Variants in NUDT4 observed in about 807,000 individuals in gnomAD.
NUDT4 encodes the protein diphosphoinositol polyphosphate phosphohydrolase 2.
In NUDT4, 5 loss-of-function variants were observed where a neutral mutation model predicts 23.1. The observed-to-expected ratio is 0.22, with a 90% CI of 0.11 to 0.46. NUDT4 has a LOEUF of 0.46. Ranked by LOEUF, NUDT4 falls within the 20% of genes least tolerant of loss-of-function variation. The pLI is 0.99. For synonymous variants in NUDT4, 50 were observed against 79.0 expected, an observed-to-expected ratio of 0.63 and a Z score of 1.95; for missense variants, 96 against 211.6, an observed-to-expected ratio of 0.45 and a Z score of 3.39.
intron 1 of NUDT4, chr12:93,380,929 A>G (rs1040373492): frequency 2.0e-4 from 30 of 152,184 alleles, no homozygotes; most frequent in African/African-American, 6.5e-4. Context: ...TGAGGATGAA[A>G]TGTTTATATA....
At chr12:93,390,159 C>T (rs906104212) in intron 1 of NUDT4, among the ~76,000 whole-genome samples, 9 of 152,170 alleles carry the variant, frequency 5.9e-5, no homozygotes, top group African/African-American at 2.2e-4. Context: ...TAGCCACCTG[C>T]GTTATGTCCC....
intron 3 of NUDT4, 137 bp downstream of exon 3, chr12:93,395,670 G>A (rs763135632): frequency 1.7e-6 from 1 of 593,978 alleles, no homozygotes; most frequent in Non-Finnish European, 3.0e-6. Flanking sequence ...GGATTAGGTA[G>A]GGAGGGAAGT....
rs1003486636 is a variant in NUDT4 at position 93,398,356 on chromosome 12, A to G, written c.256-415A>G. Among the ~76,000 whole-genome samples, 37 of 149,436 alleles carry G rather than the reference A, an allele frequency of 2.5e-4. 1 individual carries two copies. The highest frequency in any genetic ancestry group is 5.0e-4 in the African/African-American group (20 of 39,638). On this transcript the variant is annotated intron_variant, in intron 3 of 4. Transcript: ENST00000415493. The stretch of plus-strand genomic sequence containing the variant: ...CCTGTCTCAAAAAAAAAAAAAAAAA[A>G]AAAGAAAAGAACATCAGATATATAG...
At chr12:93,378,472 C>A in intron 1 of NUDT4, 51 bp downstream of exon 1, 1 of 1,468,680 alleles carries the variant, frequency 6.8e-7, no homozygotes, top group Non-Finnish European at 9.1e-7. Flanking sequence ...GGGTCTAGGG[C>A]CCGGGTGCTT....
chr12:93,382,458 GA>G (rs1389911873), intron 1 of NUDT4, among the ~76,000 whole-genome samples: 2 of 152,218 alleles, frequency 1.3e-5, no homozygotes, highest in East Asian at 3.9e-4. Flanking sequence ...GGTCAAGTCT[GA>G]AAACCTAAAA....
At chr12:93,394,268 C>T (rs568208534) in intron 1 of NUDT4, among the ~76,000 whole-genome samples, 21 of 152,334 alleles carry the variant, frequency 1.4e-4, no homozygotes, top group African/African-American at 5.1e-4. Flanking sequence ...TCCCAGAGTG[C>T]TGGGATTACA....
chr12:93,386,974 C>T lies in NUDT4; in HGVS notation c.100-7635C>T, dbSNP rs569685074. Among the ~76,000 whole-genome samples the T allele has an allele frequency of 3.3e-3, 498 of 152,160 alleles. 2 individuals carry two copies. The highest frequency in any genetic ancestry group is 0.012 in the African/African-American group (478 of 41,492). On this transcript the variant is annotated intron_variant, in intron 1 of 4. Transcript: ENST00000415493. ...TTTTTGAGACAGTCTCACTGTGTTG[C>T]CCAGGCTGGAATGCAGTTGCGCTAT...
intron 1 of NUDT4, chr12:93,378,923 A>T: frequency 2.7e-6 from 1 of 374,176 alleles, no homozygotes; most frequent in Non-Finnish European, 3.7e-6. Flanking sequence ...AATTGAGTCT[A>T]GTCTTGGCAA....
chr12:93,382,956 C>T (rs995055706), intron 1 of NUDT4, among the ~76,000 whole-genome samples: 1 of 152,112 alleles, frequency 6.6e-6, no homozygotes, highest in Non-Finnish European at 1.5e-5. Context: ...CCACTGCACC[C>T]GGCTTGGAAG....
rs1284655668 is a variant in NUDT4, at chr12:93,402,858, A to G, written c.*3479A>G. ...GCTAAGTCACCGCCCCACCCGCCGC[A>G]TTACATTTCCTAAAACATACTGCTG... On this transcript the variant is annotated 3_prime_UTR_variant, in exon 5 of 5. Coordinates refer to ENST00000415493, the MANE Select transcript of NUDT4 (RefSeq NM_019094.6). 1 of 147,924 alleles carries G rather than the reference A, an allele frequency of 6.8e-6. No homozygotes were observed. The highest frequency in any genetic ancestry group is 1.5e-5 in the Non-Finnish European group (1 of 67,116). 9.2% of individuals were successfully genotyped at this position (147,924 alleles called of 1,614,324 possible).
At chr12:93,387,314 G>T (rs1187220896) in intron 1 of NUDT4, among the ~76,000 whole-genome samples, 2 of 152,144 alleles carry the variant, frequency 1.3e-5, no homozygotes, top group African/African-American at 2.4e-5. Context: ...ATGTAGTCCA[G>T]AAAAATCTAC....
rs1877661980 is a variant in NUDT4 at position 93,404,151 on chromosome 12, CCAT to C, written c.*4776_*4778del. On this transcript the variant is annotated 3_prime_UTR_variant, in exon 5 of 5. Coordinates refer to ENST00000415493, the MANE Select transcript of NUDT4 (RefSeq NM_019094.6). ...ATGTTAGTGAAGTACTTTCATTTGG[CCAT>C]CATTATTTATCAACCTTAAGAAACA... 4 of 152,034 alleles carry C rather than the reference CCAT, an allele frequency of 2.6e-5. No homozygotes were observed. The highest frequency in any genetic ancestry group is 2.6e-4 in the Admixed American group (4 of 15,256). 9.4% of individuals were successfully genotyped at this position (152,034 alleles called of 1,614,324 possible). A position where few individuals can be genotyped will look rare whatever the true frequency, so the allele number is the denominator to read the frequency against.
chr12:93,383,189 A>G (rs771574503), intron 1 of NUDT4, among the ~76,000 whole-genome samples: 1 of 152,076 alleles, frequency 6.6e-6, no homozygotes. Flanking sequence ...TCCATGGTCA[A>G]CCTGATTTAC....
At chr12:93,396,058 T>A (rs1192279156) in intron 3 of NUDT4, among the ~76,000 whole-genome samples, 1 of 152,218 alleles carries the variant, frequency 6.6e-6, no homozygotes, top group Non-Finnish European at 1.5e-5. Flanking sequence ...TAGTGATTAC[T>A]TCTGTTTGAA....
At chr12:93,388,914 T>G (rs2120905221) in intron 1 of NUDT4, among the ~76,000 whole-genome samples, 1 of 152,258 alleles carries the variant, frequency 6.6e-6, no homozygotes, top group African/African-American at 2.4e-5. Context: ...CTGTAGACCC[T>G]CAAAAGCATG....
rs1423946588 is a variant in NUDT4, at chr12:93,402,915, GTTC to G, written c.*3537_*3539del. The G allele has an allele frequency of 6.6e-6, 1 of 152,120 alleles. No homozygotes were observed. Among genetic ancestry groups the G allele is most frequent in the African/African-American group, 2.4e-5 (1 of 41,410 alleles). The allele number at this position is 152,120 out of a possible 1,614,324, so 9.4% of individuals were successfully genotyped here. On this transcript the variant is annotated 3_prime_UTR_variant, in exon 5 of 5. Transcript: ENST00000415493. The stretch of plus-strand genomic sequence containing the variant: ...ACCAACTGTAGAATCCTTAAGTCCT[GTTC>G]AAGTGTCACTTCATTTTTTATTAGG...
intron 2 of NUDT4, among the ~76,000 whole-genome samples, 158 bp from the exon 3 acceptor site, chr12:93,395,331 G>A (rs1344349669): frequency 6.6e-6 from 1 of 152,198 alleles, no homozygotes; most frequent in African/African-American, 2.4e-5. Context: ...TGAAGTAAAT[G>A]ACAATAAAAA....
chr12:93,389,980 A>G (rs913714563), intron 1 of NUDT4, among the ~76,000 whole-genome samples: 6 of 152,122 alleles, frequency 3.9e-5, no homozygotes, highest in Non-Finnish European at 8.8e-5. Context: ...CAACATTATT[A>G]ATCTCCTGTA....
chr12:93,390,725 C>G (rs1188384271), intron 1 of NUDT4, among the ~76,000 whole-genome samples: 1 of 152,170 alleles, frequency 6.6e-6, no homozygotes, highest in East Asian at 1.9e-4. Flanking sequence ...TCCACCACAG[C>G]CTCCTGAGTA....
Sources: gnomAD v4.1 joint callset for allele counts (sites outside exome capture counted in the v4.1 genomes callset) on GRCh38, gnomAD v4.1.1 for gene constraint, MANE v1.5 for transcripts, NCBI Gene and HGNC (gene_info 2026-07-23, HGNC 2026-07-21) for gene names.